Variants in TET2 observed in about 807,000 individuals in gnomAD.
The protein encoded by TET2 is tet methylcytosine dioxygenase 2, also known as methylcytosine dioxygenase TET2.
Under a neutral mutation model 142.9 loss-of-function variants are expected in TET2, and 299 were observed. The ratio of observed to expected loss-of-function variants is 2.09; its 90% confidence interval spans 1.90 to 2.30. TET2 has a LOEUF of 2.30. Ranked by LOEUF, TET2 falls within the 30% of genes most tolerant of loss-of-function variation. The pLI is 0.00. For synonymous variants in TET2, 819 were observed against 849.0 expected, an observed-to-expected ratio of 0.96 and a Z score of 0.61; for missense variants, 2,418 against 2,378.0, an observed-to-expected ratio of 1.02 and a Z score of -0.35.
At position 105,236,110 on chromosome 4, in the gene TET2, C is replaced by T. The variant is rs759967244; in HGVS notation, c.2168C>T (p.Pro723Leu). The change falls in exon 3 of 11, where the codon CCT (proline) becomes CTT (leucine). Residue 723 changes from proline (P) to leucine (L), a missense_variant. By Grantham distance (98) the Pro-to-Leu change is moderately conservative (BLOSUM62 -3). Coordinates refer to ENST00000380013, the MANE Select transcript of TET2 (RefSeq NM_001127208.3). Reference protein sequence around the residue: ...FSNSHLLQHKPHKQAAQTQPS... With the variant: ...FSNSHLLQHKLHKQAAQTQPS... ...AACTCACACCTTTTGCAACATAAGC[C>T]TCATAAACAGGCAGCACAAACACAA... The T allele has an allele frequency of 3.1e-6, 5 of 1,614,130 alleles. No individual in the cohort carries two copies. Among genetic ancestry groups the T allele is most frequent in the East Asian group, 2.2e-5 (1 of 44,874 alleles).
At chr4:105,237,873 C>T (rs2110240034) in intron 3 of TET2, 2 of 1,056,132 alleles carry the variant, frequency 1.9e-6, no homozygotes, top group Middle Eastern at 4.5e-4. Context: ...CTTAGTGCTC[C>T]TAAAGTTTCC....
At chr4:105,274,451 C>T (rs1731101470) in intron 10 of TET2, among the ~76,000 whole-genome samples, 1 of 151,788 alleles carries the variant, frequency 6.6e-6, no homozygotes, top group Non-Finnish European at 1.5e-5. Flanking sequence ...TCTTTTTTTT[C>T]ACAACATTCC....
intron 1 of TET2, among the ~76,000 whole-genome samples, chr4:105,169,743 A>G (rs1020687674): frequency 2.0e-5 from 3 of 152,082 alleles, no homozygotes; most frequent in East Asian, 3.8e-4. Context: ...ATCCATCTTG[A>G]GTTGATTTTT....
At chr4:105,169,835 G>A (rs1405605697) in intron 1 of TET2, among the ~76,000 whole-genome samples, 1 of 152,092 alleles carries the variant, frequency 6.6e-6, no homozygotes, top group Non-Finnish European at 1.5e-5. Flanking sequence ...GTTGAATAGG[G>A]TGTCCTTTAC....
chr4:105,259,140 A>G (rs748448857), intron 6 of TET2, among the ~76,000 whole-genome samples: 1 of 152,174 alleles, frequency 6.6e-6, no homozygotes, highest in Non-Finnish European at 1.5e-5. Flanking sequence ...AGTTCCAGCT[A>G]TTTGGGAGGC....
Position 105,279,303 on chromosome 4 carries a change from A to G in TET2, c.*2784A>G. The G allele has an allele frequency of 4.3e-6, 1 of 232,082 alleles. No homozygotes were observed. Among genetic ancestry groups the G allele is most frequent in the East Asian group, 6.1e-5 (1 of 16,354 alleles). 14.4% of individuals were successfully genotyped at this position (232,082 alleles called of 1,614,324 possible). On this transcript the variant is annotated 3_prime_UTR_variant, in exon 11 of 11. Transcript: ENST00000380013. Reference sequence around the variant, plus strand: ...AAGTATAGTTTGGGGGGTTGGGGAGAGTTTACATAAGGAAGAGAAGAAATT... The same window carrying G: ...AAGTATAGTTTGGGGGGTTGGGGAGGGTTTACATAAGGAAGAGAAGAAATT...
intron 1 of TET2, among the ~76,000 whole-genome samples, chr4:105,180,947 T>C (rs1725088078): frequency 6.6e-6 from 1 of 152,120 alleles, no homozygotes; most frequent in Admixed American, 6.6e-5. Context: ...CCCTTTTATC[T>C]TTCTTTTAAC....
intron 2 of TET2, among the ~76,000 whole-genome samples, chr4:105,233,689 T>A (rs1208738943): frequency 6.6e-6 from 1 of 152,186 alleles, no homozygotes; most frequent in East Asian, 1.9e-4. Flanking sequence ...CATAAATATT[T>A]TAGAGTTGCT....
At chr4:105,224,382 C>T (rs1275046084) in intron 2 of TET2, among the ~76,000 whole-genome samples, 2 of 152,100 alleles carry the variant, frequency 1.3e-5, no homozygotes, top group Non-Finnish European at 2.9e-5. Flanking sequence ...TGCATCATAG[C>T]ATCTTCAAAG....
chr4:105,168,137 G>A (rs1462992293), intron 1 of TET2, among the ~76,000 whole-genome samples: 1 of 151,936 alleles, frequency 6.6e-6, no homozygotes, highest in African/African-American at 2.4e-5. Context: ...CCTCACCGTG[G>A]GTTTTTACCC....
At chr4:105,202,874 T>A (rs1479348833) in intron 2 of TET2, among the ~76,000 whole-genome samples, 1 of 152,240 alleles carries the variant, frequency 6.6e-6, no homozygotes, top group Non-Finnish European at 1.5e-5. Flanking sequence ...ATGAAATGGC[T>A]GTTAACTATA....
At chr4:105,220,256 G>A (rs1024921962) in intron 2 of TET2, among the ~76,000 whole-genome samples, 7 of 151,858 alleles carry the variant, frequency 4.6e-5, no homozygotes, top group African/African-American at 9.7e-5. Context: ...TCATACCTCC[G>A]TATATAAAAA....
At position 105,276,163 on chromosome 4, in the gene TET2, C is replaced by G; in HGVS notation, c.5653C>G (p.Pro1885Ala). 6.4e-7 allele frequency: 1 copy of G among 1,551,550 alleles called. No homozygotes were observed. The highest frequency in any genetic ancestry group is 8.7e-7 in the Non-Finnish European group (1 of 1,146,980). Residue 1885 changes from proline (P) to alanine (A), a missense_variant, in exon 11 of 11, where the codon CCT becomes GCT. By Grantham distance (27) the Pro-to-Ala change is conservative. Coordinates refer to ENST00000380013, the MANE Select transcript of TET2 (RefSeq NM_001127208.3). ...AAAGCGTGAGCTGCATGCCACAACC[C>G]CTTTAAAGAATCCCAATAGGAATCA... ...CAKRELHATT[P>A]LKNPNRNHPT...
intron 1 of TET2, among the ~76,000 whole-genome samples, chr4:105,149,862 A>G (rs1483817436): frequency 1.3e-5 from 2 of 152,226 alleles, no homozygotes; most frequent in Admixed American, 1.3e-4. Context: ...TGGCAAGTGA[A>G]TATCACTTCC....
intron 1 of TET2, among the ~76,000 whole-genome samples, chr4:105,150,912 C>A (rs947749876): frequency 6.6e-6 from 1 of 152,172 alleles, no homozygotes; most frequent in Non-Finnish European, 1.5e-5. Context: ...TTATGTATGT[C>A]TGCTATTTCC....
Position 105,275,274 on chromosome 4 carries a change from C to G in TET2, c.4764C>G (p.Ile1588Met), listed in dbSNP as rs373735983. The G allele has an allele frequency of 3.9e-6, 6 of 1,552,188 alleles. No homozygotes were observed. Among genetic ancestry groups the G allele is most frequent in the Middle Eastern group, 1.7e-4 (1 of 6,020 alleles). ...PYPNSSHTSD[I>M]YGSTSPMNFY... ...CAAACTCTTCACACACTTCAGATATCTATGGAAGCACCAGCCCTATGAACT... is the reference window on the plus strand; with the variant it reads ...CAAACTCTTCACACACTTCAGATATGTATGGAAGCACCAGCCCTATGAACT... The change falls in exon 11 of 11, where the codon ATC becomes ATG. Residue 1588 changes from isoleucine (I) to methionine (M), a missense_variant. Ile to Met is a conservative substitution (Grantham distance 10). Transcript: ENST00000380013.
At chr4:105,262,047 G>A (rs918717720) in intron 8 of TET2, among the ~76,000 whole-genome samples, 199 bp downstream of exon 8, 3 of 152,044 alleles carry the variant, frequency 2.0e-5, no homozygotes, top group Non-Finnish European at 2.9e-5. Flanking sequence ...TCTTTTAGCT[G>A]TAAAGACATG....
intron 2 of TET2, among the ~76,000 whole-genome samples, chr4:105,205,744 G>T (rs1188834594): frequency 6.6e-6 from 1 of 152,042 alleles, no homozygotes; most frequent in Non-Finnish European, 1.5e-5. Context: ...AGATTCTCCT[G>T]CCTCAGCCTC....
intron 2 of TET2, among the ~76,000 whole-genome samples, chr4:105,200,170 A>C (rs1238481918): frequency 6.6e-6 from 1 of 152,134 alleles, no homozygotes; most frequent in East Asian, 1.9e-4. Flanking sequence ...ATAGCATATA[A>C]GTGTTCCTTT....
Sources: gnomAD v4.1 joint callset for allele counts (sites outside exome capture counted in the v4.1 genomes callset) on GRCh38, gnomAD v4.1.1 for gene constraint, MANE v1.5 for transcripts, NCBI Gene and HGNC (gene_info 2026-07-23, HGNC 2026-07-21) for gene names.